Variants in KIAA1671 observed in about 807,000 individuals in gnomAD.
KIAA1671 encodes KIAA1671.
In KIAA1671, 52 loss-of-function variants were observed where a neutral mutation model predicts 131.2. The observed-to-expected ratio is 0.40, with a 90% CI of 0.32 to 0.50. KIAA1671 has a LOEUF of 0.50. Among genes scored for constraint, KIAA1671 ranks in the 20% least tolerant of loss-of-function variants. The pLI, the probability that KIAA1671 is intolerant of heterozygous loss-of-function variation, is 0.73. For missense variants in KIAA1671, 2,360 were observed against 2,364.2 expected, an observed-to-expected ratio of 1.00 and a Z score of 0.04; for synonymous variants, 1,003 against 961.6, an observed-to-expected ratio of 1.04 and a Z score of -0.80.
At chr22:25,084,480 C>T (rs1169815920) in intron 6 of KIAA1671, among the ~76,000 whole-genome samples, 1 of 122,106 alleles carries the variant, frequency 8.2e-6, no homozygotes, top group Non-Finnish European at 1.8e-5. Flanking sequence ...AAAAAATTGA[C>T]AATGTATAAA....
At chr22:25,008,437 C>T (rs142520575) in intron 1 of KIAA1671, among the ~76,000 whole-genome samples, 122 of 152,194 alleles carry the variant, frequency 8.0e-4, no homozygotes, top group African/African-American at 2.7e-3. Context: ...CCAGGAGGGT[C>T]GTTGAGGGTA....
chr22:25,145,580 C>G (rs1263898195), intron 6 of KIAA1671, among the ~76,000 whole-genome samples: 1 of 152,212 alleles, frequency 6.6e-6, no homozygotes, highest in African/African-American at 2.4e-5. Flanking sequence ...CTTCCCCTTC[C>G]CTGGGCCTCA....
chr22:24,967,820 G>A (rs559415588), intron 1 of KIAA1671, among the ~76,000 whole-genome samples: 26 of 152,216 alleles, frequency 1.7e-4, no homozygotes, highest in Admixed American at 3.3e-4. Flanking sequence ...GTGAAACCCT[G>A]TCTCTACTAA....
In KIAA1671 at chr22:25,028,051, G is replaced by C. The variant is rs1225431542; in HGVS notation, c.52G>C (p.Gly18Arg). ...GSITPLTAVP[G>R]LGEMGKEETL... ...CATAACGCCCTTGACGGCCGTGCCAGGCCTGGGTGAGATGGGCAAGGAGGA... is the reference window on the plus strand; with the variant it reads ...CATAACGCCCTTGACGGCCGTGCCACGCCTGGGTGAGATGGGCAAGGAGGA... The change falls in exon 3 of 13, where the codon GGC (glycine) becomes CGC (arginine). Residue 18 changes from glycine to arginine, a missense_variant. Physicochemically the swap from Gly to Arg is moderately radical, Grantham distance 125. This residue lies in a region of KIAA1671 where 1,185 missense variants were observed against 1,126.2 expected (regional missense o/e 1.05). Transcript: ENST00000358431. The C allele has an allele frequency of 6.5e-7, 1 of 1,543,808 alleles. No homozygotes were observed. The highest frequency in any genetic ancestry group is 8.8e-7 in the Non-Finnish European group (1 of 1,142,664).
At chr22:25,146,525 A>T (rs1932881885) in intron 6 of KIAA1671, among the ~76,000 whole-genome samples, 1 of 152,190 alleles carries the variant, frequency 6.6e-6, no homozygotes, top group Non-Finnish European at 1.5e-5. Context: ...CATGGGAGAT[A>T]TGTAGAATAT....
intron 1 of KIAA1671, among the ~76,000 whole-genome samples, chr22:25,015,763 A>G (rs1439269316): frequency 6.6e-6 from 1 of 152,140 alleles, no homozygotes; most frequent in African/African-American, 2.4e-5. Flanking sequence ...CCCATGGTCC[A>G]GGGGAAGTTT....
At chr22:25,128,949 T>C (rs4627697) in intron 6 of KIAA1671, among the ~76,000 whole-genome samples, 115,980 of 152,160 alleles carry the variant, frequency 0.76, 45,213 homozygotes, top group African/African-American at 0.92. Context: ...CGGGTGCATT[T>C]GCATACCTGA....
chr22:25,085,903 T>C (rs781144949), intron 6 of KIAA1671, among the ~76,000 whole-genome samples: 6 of 151,984 alleles, frequency 3.9e-5, no homozygotes, highest in Non-Finnish European at 7.4e-5. Context: ...CTCACTGCAC[T>C]GGAGGAATGA....
rs372861332 is a variant in KIAA1671, at chr22:25,110,497, GTGAATCTATGTCTC to G, written c.4531-60315_4531-60302del. Reference sequence around the variant, plus strand: ...ATCCTTGCTGTGTGACCTTGGGCAAGTGAATCTATGTCTCTGAATCTGCATTTCCTTGTCTGTAA... The same window carrying G: ...ATCCTTGCTGTGTGACCTTGGGCAAGTGAATCTGCATTTCCTTGTCTGTAA... On this transcript the variant is annotated intron_variant, in intron 6 of 12. Coordinates refer to ENST00000358431, the MANE Select transcript of KIAA1671 (RefSeq NM_001145206.2). 3.2e-3 allele frequency among the ~76,000 whole-genome samples: 488 copies of G among 152,328 alleles called. 2 individuals are homozygous for G. Among genetic ancestry groups the G allele is most frequent in the African/African-American group, 0.011 (470 of 41,568 alleles).
At chr22:24,990,497 C>A (rs1019144233) in intron 1 of KIAA1671, among the ~76,000 whole-genome samples, 1 of 152,216 alleles carries the variant, frequency 6.6e-6, no homozygotes, top group Non-Finnish European at 1.5e-5. Flanking sequence ...TGGCCCCACA[C>A]ACACCATGCA....
chr22:25,163,331 A>ATTTTTTTTTTTTTTTTTTTTT (rs132895), intron 6 of KIAA1671, among the ~76,000 whole-genome samples: 7 of 55,542 alleles, frequency 1.3e-4, no homozygotes, highest in Non-Finnish European at 1.2e-4. Flanking sequence ...ATTGCCTCAA[A>ATTTTTTTTTTTTTTTTTTTTT]TTTTTTTTTT....
Position 25,195,897 on chromosome 22 carries a change from A to G in KIAA1671, c.*3496A>G, listed in dbSNP as rs566614115. 1 of 152,290 alleles carries G rather than the reference A, an allele frequency of 6.6e-6. No individual in the cohort carries two copies. Among genetic ancestry groups the G allele is most frequent in the Admixed American group, 6.5e-5 (1 of 15,302 alleles). The allele number at this position is 152,290 out of a possible 1,614,324, so 9.4% of individuals were successfully genotyped here. On this transcript the variant is annotated 3_prime_UTR_variant, in exon 13 of 13. Coordinates refer to ENST00000358431, the MANE Select transcript of KIAA1671 (RefSeq NM_001145206.2). The stretch of plus-strand genomic sequence containing the variant: ...CCCCCTCACCGTGTGTTAAAACACA[A>G]AAGCCGAAGTTCCATGGCATCATGA...
At chr22:25,093,768 G>GTCTCTCTCTCTCTCTCTCTCTC (rs71191028) in intron 6 of KIAA1671, among the ~76,000 whole-genome samples, 8 of 60,704 alleles carry the variant, frequency 1.3e-4, no homozygotes, top group South Asian at 5.9e-4. Context: ...CTCTCTCTCT[G>GTCTCTCTCTCTCTCTCTCTCTC]TCTCTCTCTC....
intron 6 of KIAA1671, among the ~76,000 whole-genome samples, chr22:25,127,186 A>G (rs140169257): frequency 3.9e-4 from 59 of 152,326 alleles, no homozygotes; most frequent in African/African-American, 1.4e-3. Flanking sequence ...AATTCCATAC[A>G]GTAACGAGTG....
At position 24,960,872 on chromosome 22, in the gene KIAA1671, C is replaced by G. The variant is rs1419827805; in HGVS notation, c.-208+8100C>G. The stretch of plus-strand genomic sequence containing the variant: ...TTACCACAGCTGTGCGAGAGACAGC[C>G]TCTTTGTATATTTCAGAGAGAAGGA... On this transcript the variant is annotated intron_variant, in intron 1 of 12. Transcript: ENST00000358431. Among the ~76,000 whole-genome samples, 3 of 152,042 alleles carry G rather than the reference C, an allele frequency of 2.0e-5. No individual in the cohort carries two copies. In the East Asian group the frequency reaches 5.8e-4, roughly 29 times the overall value.
intron 6 of KIAA1671, among the ~76,000 whole-genome samples, chr22:25,119,604 C>T (rs1486653931): frequency 6.6e-6 from 1 of 152,168 alleles, no homozygotes; most frequent in Non-Finnish European, 1.5e-5. Flanking sequence ...AAAGTACTCT[C>T]AGATAATGGT....
At chr22:24,967,947 CATGCCACT>C (rs1312483242) in intron 1 of KIAA1671, among the ~76,000 whole-genome samples, 2 of 152,086 alleles carry the variant, frequency 1.3e-5, no homozygotes, top group East Asian at 3.9e-4. Flanking sequence ...GAACCGAGAT[CATGCCACT>C]GCACTCCAGC....
At chr22:25,141,709 A>G (rs1370688077) in intron 6 of KIAA1671, among the ~76,000 whole-genome samples, 2 of 152,196 alleles carry the variant, frequency 1.3e-5, no homozygotes, top group Non-Finnish European at 2.9e-5. Context: ...GGGAACAGCC[A>G]ATCCAGGCCT....
intron 6 of KIAA1671, among the ~76,000 whole-genome samples, chr22:25,097,359 G>A (rs1181585234): frequency 2.0e-5 from 3 of 152,162 alleles, no homozygotes; most frequent in Non-Finnish European, 2.9e-5. Context: ...CAATAAGGAC[G>A]TGTATTACCT....
Sources: allele counts gnomAD v4.1 joint callset (sites outside exome capture counted in the v4.1 genomes callset), GRCh38; gene constraint gnomAD v4.1.1; regional missense constraint gnomAD v4.1.1; transcripts MANE v1.5; gene names NCBI Gene and HGNC (gene_info 2026-07-23, HGNC 2026-07-21).